SRBD1: variants seen among roughly 807,000 people sequenced by gnomAD.
The protein encoded by SRBD1 is S1 RNA binding domain 1.
A neutral mutation model predicts 115.3 loss-of-function variants in SRBD1; 88 were observed. That is an observed-to-expected ratio of 0.76 (90% CI 0.64 to 0.91). The LOEUF (loss-of-function observed/expected upper bound fraction) is 0.91, where lower values mean the gene tolerates loss of function less well. Ranked by LOEUF, SRBD1 falls within the 40% of genes least tolerant of loss-of-function variation. The probability of loss-of-function intolerance (pLI) is 0.00; values close to 1 mark genes in which losing one functional copy is unlikely to be tolerated. For synonymous variants in SRBD1, 509 were observed against 407.7 expected, an observed-to-expected ratio of 1.25 and a Z score of -2.99; for missense variants, 1,385 against 1,177.4, an observed-to-expected ratio of 1.18 and a Z score of -2.58.
rs985718113 is a variant in SRBD1 at position 45,424,646 on chromosome 2, A to T, written c.2050-4752T>A. ...TTTTGAGAAACTTATTTTGAATTAC[A>T]TTTAATTGTATAAGACAGACATACA... On this transcript the variant is annotated intron_variant, in intron 16 of 20. Coordinates refer to ENST00000263736, the MANE Select transcript of SRBD1 (RefSeq NM_018079.5). 7.8e-4 allele frequency among the ~76,000 whole-genome samples: 119 copies of T among 152,324 alleles called. 2 individuals are homozygous for T. Among genetic ancestry groups the T allele is most frequent in the African/African-American group, 2.6e-3 (108 of 41,584 alleles).
intron 14 of SRBD1, among the ~76,000 whole-genome samples, chr2:45,531,956 T>C (rs1199085941): frequency 6.6e-6 from 1 of 151,848 alleles, no homozygotes; most frequent in Admixed American, 6.6e-5. Flanking sequence ...TAAAGTTTGA[T>C]GACTTTTCTT....
At chr2:45,584,672 A>AT (rs1433323597) in intron 5 of SRBD1, among the ~76,000 whole-genome samples, 1 of 152,258 alleles carries the variant, frequency 6.6e-6, no homozygotes, top group Non-Finnish European at 1.5e-5. Flanking sequence ...CAATAAATGC[A>AT]TAAGCAGTGA....
intron 20 of SRBD1, among the ~76,000 whole-genome samples, chr2:45,391,197 T>C (rs968715920): frequency 2.6e-5 from 4 of 152,170 alleles, no homozygotes; most frequent in African/African-American, 9.7e-5. Flanking sequence ...CTGAAGACAG[T>C]TGGGGACACT....
At chr2:45,506,704 G>C (rs1003067106) in intron 14 of SRBD1, among the ~76,000 whole-genome samples, 1 of 152,062 alleles carries the variant, frequency 6.6e-6, no homozygotes, top group African/African-American at 2.4e-5. Context: ...AAAATATACA[G>C]CATGAAAAGG....
At chr2:45,553,015 T>C (rs987179584) in intron 11 of SRBD1, among the ~76,000 whole-genome samples, 2 of 152,128 alleles carry the variant, frequency 1.3e-5, no homozygotes, top group East Asian at 1.9e-4. Context: ...AGGAATGAAT[T>C]AGGGAATGTC....
chr2:45,521,923 A>G (rs1237785913), intron 14 of SRBD1, among the ~76,000 whole-genome samples: 1 of 151,944 alleles, frequency 6.6e-6, no homozygotes, highest in Non-Finnish European at 1.5e-5. Context: ...AGCCATGATC[A>G]TGCCACTGCA....
rs113969912 is a variant in SRBD1, at chr2:45,522,679, A to G, written c.1874+24053T>C. 3.1e-4 allele frequency among the ~76,000 whole-genome samples: 47 copies of G among 152,280 alleles called. No homozygotes were observed. The South Asian group carries it at 8.9e-3, about 29-fold the overall frequency. Reference sequence around the variant, plus strand: ...ACTCCTCCTCTTCCTTTTTCTCTTCAGCCTACTCAAATAAAGATGATAAGG... The same window carrying G: ...ACTCCTCCTCTTCCTTTTTCTCTTCGGCCTACTCAAATAAAGATGATAAGG... On this transcript the variant is annotated intron_variant, in intron 14 of 20. Transcript: ENST00000263736.
intron 14 of SRBD1, among the ~76,000 whole-genome samples, chr2:45,491,529 C>A (rs1427532279): frequency 6.6e-6 from 1 of 152,122 alleles, no homozygotes; most frequent in Non-Finnish European, 1.5e-5. Context: ...ATAGTTTAGA[C>A]CTTCACCTAA....
intron 5 of SRBD1, 41 bp from the exon 6 acceptor site, chr2:45,581,851 C>G (rs1156443623): frequency 6.7e-7 from 1 of 1,497,960 alleles, no homozygotes; most frequent in Non-Finnish European, 9.2e-7. Context: ...AACTGTATGT[C>G]AAAACTTTCT....
At chr2:45,529,438 T>C (rs1224622822) in intron 14 of SRBD1, among the ~76,000 whole-genome samples, 1 of 151,940 alleles carries the variant, frequency 6.6e-6, no homozygotes, top group Non-Finnish European at 1.5e-5. Flanking sequence ...TATCCACTTC[T>C]TATACTTCCC....
chr2:45,413,391 T>G (rs1289383463), intron 18 of SRBD1, 98 bp from the exon 19 acceptor site: 5 of 1,377,834 alleles, frequency 3.6e-6, no homozygotes, highest in Admixed American at 2.4e-5. Context: ...CATACAAATA[T>G]GCGAAAACAG....
At chr2:45,581,664 T>G in intron 6 of SRBD1, 29 bp downstream of exon 6, 2 of 1,558,150 alleles carry the variant, frequency 1.3e-6, no homozygotes, top group Non-Finnish European at 1.8e-6. Flanking sequence ...ATTCAGGTAT[T>G]ACATTAAAAG....
intron 19 of SRBD1, among the ~76,000 whole-genome samples, chr2:45,412,603 A>G (rs1369196083): frequency 6.6e-6 from 1 of 152,202 alleles, no homozygotes; most frequent in African/African-American, 2.4e-5. Flanking sequence ...ATATGCTGTT[A>G]AAAAGATTTT....
At chr2:45,515,824 C>G (rs959727162) in intron 14 of SRBD1, among the ~76,000 whole-genome samples, 1 of 152,156 alleles carries the variant, frequency 6.6e-6, no homozygotes, top group Admixed American at 6.6e-5. Flanking sequence ...TAAGTTATCT[C>G]TATACAGAAA....
intron 16 of SRBD1, among the ~76,000 whole-genome samples, chr2:45,434,920 C>G (rs1465556684): frequency 6.6e-6 from 1 of 151,948 alleles, no homozygotes; most frequent in African/African-American, 2.4e-5. Flanking sequence ...TCCCTCCCCG[C>G]TCCCCCCACC....
At chr2:45,606,811 C>A (rs969228679) in intron 1 of SRBD1, among the ~76,000 whole-genome samples, 5 of 152,078 alleles carry the variant, frequency 3.3e-5, no homozygotes, top group Admixed American at 3.3e-4. Flanking sequence ...ACCATAAAAC[C>A]ATCAAACTAT....
At chr2:45,561,936 T>C (rs1672675504) in intron 10 of SRBD1, among the ~76,000 whole-genome samples, 1 of 152,108 alleles carries the variant, frequency 6.6e-6, no homozygotes, top group Non-Finnish European at 1.5e-5. Flanking sequence ...AAGTTAATTT[T>C]TGTTTCCATC....
chr2:45,599,847 C>G lies in SRBD1; in HGVS notation c.262-12G>C. 8 of 1,595,136 alleles carry G rather than the reference C, an allele frequency of 5.0e-6. No individual in the cohort carries two copies. The highest frequency in any genetic ancestry group is 6.8e-6 in the Non-Finnish European group (8 of 1,173,084). On this transcript the variant is annotated splice_polypyrimidine_tract_variant and intron_variant, in intron 3 of 20. Transcript: ENST00000263736. ...GCCACAGAGCTATTCTATCAAACCA[C>G]AAAGAGAACATATGAGAATTAGAAG...
intron 4 of SRBD1, among the ~76,000 whole-genome samples, chr2:45,597,164 T>C (rs1219029347): frequency 6.6e-6 from 1 of 152,146 alleles, no homozygotes; most frequent in Non-Finnish European, 1.5e-5. Context: ...CTTACACCTG[T>C]AATCCCTGCA....
Sources: gnomAD v4.1 joint callset for allele counts (sites outside exome capture counted in the v4.1 genomes callset) on GRCh38, gnomAD v4.1.1 for gene constraint, MANE v1.5 for transcripts, NCBI Gene and HGNC (gene_info 2026-07-23, HGNC 2026-07-21) for gene names.